Variants in ARHGAP45 observed in about 807,000 individuals in gnomAD.
ARHGAP45 encodes Rho GTPase activating protein 45.
In ARHGAP45, 56 loss-of-function variants were observed where a neutral mutation model predicts 116.1. That is an observed-to-expected ratio of 0.48 (90% CI 0.39 to 0.60). The LOEUF (loss-of-function observed/expected upper bound fraction) is 0.60, where lower values mean the gene tolerates loss of function less well. ARHGAP45 is among the 20% of genes least tolerant of loss of function. ARHGAP45 has a pLI of 0.00. For missense variants in ARHGAP45, 1,622 were observed against 1,601.0 expected (o/e 1.01, Z -0.22); for synonymous variants, 866 against 701.7 (o/e 1.23, Z -3.70).
At chr19:1,070,806 G>C (rs1396456479) in intron 2 of ARHGAP45, among the ~76,000 whole-genome samples, 1 of 152,168 alleles carries the variant, frequency 6.6e-6, no homozygotes, top group Non-Finnish European at 1.5e-5. Context: ...TGTGCGTCTC[G>C]GGGCCGCCCC....
At chr19:1,085,148 T>C (rs1375164456) in intron 22 of ARHGAP45, among the ~76,000 whole-genome samples, 3 of 152,170 alleles carry the variant, frequency 2.0e-5, no homozygotes, top group African/African-American at 4.8e-5. Context: ...CAGTTCCATG[T>C]AGCTGGGGAG....
chr19:1,067,528 C>A, intron 1 of ARHGAP45, 33 bp downstream of exon 1: 1 of 1,552,908 alleles, frequency 6.4e-7, no homozygotes, highest in East Asian at 2.3e-5. Context: ...CCGGAGCTGA[C>A]GCCGGGCCGC....
Position 1,084,218 on chromosome 19 carries a change from C to T in ARHGAP45, c.2956-20C>T, listed in dbSNP as rs748324094. The T allele has an allele frequency of 5.0e-6, 8 of 1,609,092 alleles. No homozygotes were observed. Among genetic ancestry groups the T allele is most frequent in the Non-Finnish European group, 6.0e-6 (7 of 1,176,130 alleles). ...AAATGGAGCCCCGGCCCCTCTATGA[C>T]TTCCGTTCTGCACTTGCAGGACGAG... On this transcript the variant is annotated intron_variant, in intron 21 of 22. Coordinates refer to ENST00000313093, the MANE Select transcript of ARHGAP45 (RefSeq NM_012292.5).
intron 22 of ARHGAP45, among the ~76,000 whole-genome samples, chr19:1,084,845 G>A (rs1351149371): frequency 2.0e-5 from 3 of 152,256 alleles, no homozygotes; most frequent in Middle Eastern, 3.4e-3. Context: ...TCGCACTTTG[G>A]GAGGACAAGG....
intron 22 of ARHGAP45, 117 bp from the exon 23 acceptor site, chr19:1,085,543 C>CTCTCCCCATCTCTCCTGTT: frequency 1.4e-6 from 1 of 723,256 alleles, no homozygotes; most frequent in Non-Finnish European, 2.3e-6. Context: ...TCTCTCCTGT[C>CTCTCCCCATCTCTCCTGTT]TCTCCATCTC....
chr19:1,074,024 C>A lies in ARHGAP45; in HGVS notation c.790+10C>A, dbSNP rs765434416. ...GAAGACTGTGACGCCGGTAAGCCCC[C>A]ACCCAGCGGCAGGCAGGCATTTGAG... On this transcript the variant is annotated intron_variant, in intron 6 of 22. Coordinates refer to ENST00000313093, the MANE Select transcript of ARHGAP45 (RefSeq NM_012292.5). 6.3e-7 allele frequency: 1 copy of A among 1,596,586 alleles called. No homozygotes were observed. Among genetic ancestry groups the A allele is most frequent in the East Asian group, 2.3e-5 (1 of 43,874 alleles).
chr19:1,077,787 A>C, intron 10 of ARHGAP45, 70 bp from the exon 11 acceptor site: 1 of 1,547,432 alleles, frequency 6.5e-7, no homozygotes, highest in Non-Finnish European at 8.7e-7. Flanking sequence ...GGAGGAAAGG[A>C]GGAGCTGGGG....
chr19:1,080,201 GAA>G, intron 13 of ARHGAP45, 52 bp from the exon 14 acceptor site: 1 of 1,610,490 alleles, frequency 6.2e-7, no homozygotes, highest in Non-Finnish European at 8.5e-7. Flanking sequence ...GCATGAAGAT[GAA>G]GCTGTCTTGC....
chr19:1,066,258 G>T (rs4147939), upstream of ARHGAP45: 4 of 909,558 alleles, frequency 4.4e-6, no homozygotes, highest in Non-Finnish European at 4.7e-6. Flanking sequence ...CTTGGGGAGG[G>T]GGGAGAGAGT....
In ARHGAP45 at chr19:1,081,744, G is replaced by T; in HGVS notation, c.2379+6G>T. ...GGCGGGCGCTGCGCACCAAGGTGAG[G>T]CGGGGGAGGAAGCGGCTCACAGCGA... On this transcript the variant is annotated splice_donor_region_variant and intron_variant, in intron 18 of 22. Transcript: ENST00000313093. 6.4e-7 allele frequency: 1 copy of T among 1,560,412 alleles called. No individual in the cohort carries two copies.
rs1384650180 is a variant in ARHGAP45 at position 1,085,611 on chromosome 19, C to T, written c.3065-49C>T. 8.0e-6 allele frequency: 11 copies of T among 1,379,814 alleles called. 1 individual carries two copies. The South Asian group carries it at 1.4e-4, about 18-fold the overall frequency. 85.5% of individuals were successfully genotyped at this position (1,379,814 alleles called of 1,614,324 possible). A position where few individuals can be genotyped will look rare whatever the true frequency, so the allele number is the denominator to read the frequency against. The stretch of plus-strand genomic sequence containing the variant: ...CTGTCTGTCCCTCCCCTTGTCTCTC[C>T]TCCATCTCTCCTGTCTGTCTCCCCC... On this transcript the variant is annotated intron_variant, in intron 22 of 22. Coordinates refer to ENST00000313093, the MANE Select transcript of ARHGAP45 (RefSeq NM_012292.5).
rs759954449 is a variant in ARHGAP45 at position 1,080,005 on chromosome 19, C to T, written c.1590C>T (p.Ser530=). The change falls in exon 13 of 23, where the codon AGC becomes AGT. Residue 530 remains serine, a synonymous_variant. Coordinates refer to ENST00000313093, the MANE Select transcript of ARHGAP45 (RefSeq NM_012292.5). ...TGCACTTCCAGATGCTGTGTGAGAGCAGCAAGCTGTATGACCCAGGCCAGC... is the reference window on the plus strand; with the variant it reads ...TGCACTTCCAGATGCTGTGTGAGAGTAGCAAGCTGTATGACCCAGGCCAGC... The part of the protein sequence containing the change: ...LPVHFQMLCE[S]SKLYDPGQQY... 13 of 1,612,976 alleles carry T rather than the reference C, an allele frequency of 8.1e-6. No homozygotes were observed. Among genetic ancestry groups the T allele is most frequent in the South Asian group, 5.5e-5 (5 of 91,086 alleles).
At position 1,078,955 on chromosome 19, in the gene ARHGAP45, T is replaced by C. The variant is rs578053820; in HGVS notation, c.1375-748T>C. Reference sequence around the variant, plus strand: ...CAGCACTTTGGGAGGCCGAGGCAGGTGGATCACAAGGTCAGGAGATCAAGA... The same window carrying C: ...CAGCACTTTGGGAGGCCGAGGCAGGCGGATCACAAGGTCAGGAGATCAAGA... On this transcript the variant is annotated intron_variant, in intron 11 of 22. Transcript: ENST00000313093. Among the ~76,000 whole-genome samples, 13 of 148,348 alleles carry C rather than the reference T, an allele frequency of 8.8e-5. No homozygotes were observed. The South Asian group carries it at 2.6e-3, about 30-fold the overall frequency.
At chr19:1,084,760 A>G (rs560355018) in intron 22 of ARHGAP45, among the ~76,000 whole-genome samples, 2 of 152,220 alleles carry the variant, frequency 1.3e-5, no homozygotes, top group South Asian at 4.2e-4. Context: ...GTTATGGGAC[A>G]CCTGTGTTGT....
chr19:1,070,131 G>A (rs2043112853), intron 2 of ARHGAP45, among the ~76,000 whole-genome samples: 1 of 151,596 alleles, frequency 6.6e-6, no homozygotes. Context: ...GAGTAGCTAG[G>A]ACTACAGGTG....
At chr19:1,079,907 G>A (rs774971659) in intron 12 of ARHGAP45, 21 bp from the exon 13 acceptor site, 3 of 1,600,120 alleles carry the variant, frequency 1.9e-6, no homozygotes, top group South Asian at 1.1e-5. Context: ...TGACCCCTCC[G>A]CTCTCCGGTG....
intron 10 of ARHGAP45, 152 bp downstream of exon 10, chr19:1,075,031 C>T (rs1281818386): frequency 1.0e-5 from 5 of 487,362 alleles, no homozygotes; most frequent in African/African-American, 4.4e-5. Flanking sequence ...TGGGCCGCCC[C>T]CCCCAACGCC....
At chr19:1,084,680 G>T (rs1321710501) in intron 22 of ARHGAP45, among the ~76,000 whole-genome samples, 1 of 152,230 alleles carries the variant, frequency 6.6e-6, no homozygotes, top group Non-Finnish European at 1.5e-5. Flanking sequence ...AGAAGGGCGT[G>T]GGGCTGGGAG....
intron 1 of ARHGAP45, 156 bp downstream of exon 1, chr19:1,067,651 C>T: frequency 3.9e-6 from 3 of 764,044 alleles, no homozygotes; most frequent in South Asian, 2.9e-5. Context: ...GCAGAGAGGC[C>T]GGGACCCCGG....
Sources: allele counts gnomAD v4.1 joint callset (sites outside exome capture counted in the v4.1 genomes callset), GRCh38; gene constraint gnomAD v4.1.1; transcripts MANE v1.5; gene names NCBI Gene and HGNC (gene_info 2026-07-23, HGNC 2026-07-21).